Variants in EXOC7 observed in about 807,000 individuals in gnomAD.
EXOC7 encodes exocyst complex component 7.
In EXOC7, 51 loss-of-function variants were observed where a neutral mutation model predicts 87.6. The observed-to-expected ratio is 0.58, with a 90% CI of 0.46 to 0.73. The LOEUF is 0.73. EXOC7 is among the 30% of genes least tolerant of loss of function. The pLI is 0.00. For missense variants in EXOC7, 744 were observed against 888.4 expected, an observed-to-expected ratio of 0.84 and a Z score of 2.07; for synonymous variants, 327 against 357.1, an observed-to-expected ratio of 0.92 and a Z score of 0.95.
In EXOC7 at chr17:76,089,305, A is replaced by T. The variant is rs1388547152; in HGVS notation, c.917T>A (p.Leu306Gln). The T allele has an allele frequency of 6.2e-7, 1 of 1,614,046 alleles. No individual in the cohort carries two copies. Among genetic ancestry groups the T allele is most frequent in the East Asian group, 2.2e-5 (1 of 44,878 alleles). The change falls in exon 8 of 19, where the codon CTG becomes CAG. Residue 306 changes from leucine (L) to glutamine (Q), a missense_variant. Leu to Gln is a moderately radical substitution (Grantham distance 113, BLOSUM62 -2). Around this residue, in one of 3 missense-constraint regions of EXOC7, gnomAD observed 512 missense variants for 573.0 expected, o/e 0.89. Coordinates refer to ENST00000589210, the MANE Select transcript of EXOC7 (RefSeq NM_001013839.4). ...GATGTAGGCATCGGTCTCCACGTCC[A>T]GCATGTCATCTCTCCCTGGGGGATG... ...LIPLEGRDDM[L>Q]DVETDAYIHC... is the part of the protein sequence containing the mutation.
intron 15 of EXOC7, chr17:76,085,043 G>A (rs73996114): frequency 0.025 from 12,809 of 517,482 alleles, 1,322 homozygotes; most frequent in African/African-American, 0.22. Flanking sequence ...CATTACCCAC[G>A]TCTCTGAGAG....
intron 5 of EXOC7, among the ~76,000 whole-genome samples, chr17:76,096,224 T>C (rs1490517106): frequency 6.6e-6 from 1 of 152,094 alleles, no homozygotes; most frequent in African/African-American, 2.4e-5. Flanking sequence ...GGCTAAAAAG[T>C]GCAACATTGC....
chr17:76,101,320 A>T lies in EXOC7; in HGVS notation c.368T>A (p.Val123Glu). Residue 123 changes from valine to glutamate, a missense_variant, in exon 4 of 19, where the codon GTG (valine) becomes GAG (glutamate). Coordinates refer to ENST00000589210, the MANE Select transcript of EXOC7 (RefSeq NM_001013839.4). Reference protein sequence around the residue: ...LGSMAKIQKAVEYFQDNSPDS... With the variant: ...LGSMAKIQKAEEYFQDNSPDS... The stretch of plus-strand genomic sequence containing the variant: ...TGGGCTGTTGTCCTGGAAATACTCC[A>T]CTGCCTTCTGAATCTTGGCCATGCT... The T allele has an allele frequency of 2.5e-6, 4 of 1,614,038 alleles. No homozygotes were observed. Among genetic ancestry groups the T allele is most frequent in the Non-Finnish European group, 3.4e-6 (4 of 1,180,018 alleles).
At chr17:76,098,152 TTTTG>T in intron 4 of EXOC7, 134 bp from the exon 5 acceptor site, 1 of 698,536 alleles carries the variant, frequency 1.4e-6, no homozygotes, top group Non-Finnish European at 2.4e-6. Context: ...TCTTTTTTTT[TTTTG>T]AGAGGGAGTC....
intron 13 of EXOC7, 58 bp from the exon 14 acceptor site, chr17:76,085,855 C>T: frequency 1.9e-6 from 3 of 1,588,184 alleles, no homozygotes; most frequent in Non-Finnish European, 2.6e-6. Flanking sequence ...AACGACCCCA[C>T]CCCAGGACCC....
intron 7 of EXOC7, chr17:76,090,500 G>A (rs1413429623): frequency 3.2e-6 from 5 of 1,549,702 alleles, no homozygotes; most frequent in Non-Finnish European, 4.4e-6. Context: ...CCAGGAGGGG[G>A]ACGTCAGATG....
intron 4 of EXOC7, among the ~76,000 whole-genome samples, chr17:76,099,955 AG>A (rs1239697081): frequency 6.6e-6 from 1 of 152,156 alleles, no homozygotes; most frequent in Non-Finnish European, 1.5e-5. Context: ...TTTAAAACTT[AG>A]CTGGGTATGG....
chr17:76,101,702 G>A lies in EXOC7; in HGVS notation c.288C>T (p.Asp96=), dbSNP rs1598351656. The A allele has an allele frequency of 6.2e-7, 1 of 1,613,758 alleles. No individual in the cohort carries two copies. The change falls in exon 3 of 19, where the codon GAC becomes GAT. Residue 96 remains aspartate, a synonymous_variant. Transcript: ENST00000589210. The part of the protein sequence containing the change: ...HVISYYHVAS[D]TEKIIREGPT... ...ACCCCTCTCTGATGATCTTCTCAGT[G>A]TCACTGGCCACATGGTAGTAGCTGA...
chr17:76,095,014 G>A (rs1178112603), intron 5 of EXOC7, among the ~76,000 whole-genome samples: 1 of 152,208 alleles, frequency 6.6e-6, no homozygotes, highest in African/African-American at 2.4e-5. Flanking sequence ...AGGCTGGAGT[G>A]CAGTGGTGTG....
intron 12 of EXOC7, among the ~76,000 whole-genome samples, chr17:76,086,676 G>A (rs1488580040): frequency 1.3e-5 from 2 of 152,102 alleles, no homozygotes; most frequent in African/African-American, 2.4e-5. Flanking sequence ...CAGGTGCTGC[G>A]GATAAGCTCA....
Position 76,083,439 on chromosome 17 carries a change from G to GT in EXOC7, c.*208_*209insA. On this transcript the variant is annotated 3_prime_UTR_variant, in exon 19 of 19. Coordinates refer to ENST00000589210, the MANE Select transcript of EXOC7 (RefSeq NM_001013839.4). ...GGTGTGGAGGGACCCCAGGCTTCCG[G>GT]GAGAGTGCTGGTTCGGCTGGGAACA... 1.7e-6 allele frequency: 1 copy of GT among 581,334 alleles called. No individual in the cohort carries two copies. Among genetic ancestry groups the GT allele is most frequent in the Admixed American group, 3.0e-5 (1 of 33,776 alleles). The allele number at this position is 581,334 out of a possible 1,614,324, so 36.0% of individuals were successfully genotyped here.
Position 76,088,475 on chromosome 17 carries a change from C to CTGCG in EXOC7, c.1284_1287dup (p.Asp430ArgfsTer7), listed in dbSNP as rs1338095025. On this transcript the variant is annotated frameshift_variant, in exon 10 of 19. Transcript: ENST00000589210. LOFTEE classifies it high-confidence loss of function. ...AGGACAGCAGGGACCTTGATGTTGT[C>CTGCG]TGCGAAGTCCTCCAGCGCTTTGGCA... 1 of 1,613,862 alleles carries CTGCG rather than the reference C, an allele frequency of 6.2e-7. No homozygotes were observed. The highest frequency in any genetic ancestry group is 8.5e-7 in the Non-Finnish European group (1 of 1,179,912).
chr17:76,097,129 T>C (rs2067798687), intron 5 of EXOC7, among the ~76,000 whole-genome samples: 1 of 152,040 alleles, frequency 6.6e-6, no homozygotes, highest in African/African-American at 2.4e-5. Flanking sequence ...ATTACAGGCA[T>C]AGCCACAGCA....
At chr17:76,087,889 GCTAGAGACA>G in intron 11 of EXOC7, 162 bp downstream of exon 11, 3 of 941,280 alleles carry the variant, frequency 3.2e-6, no homozygotes, top group Non-Finnish European at 4.9e-6. Flanking sequence ...GGCCCTGTCT[GCTAGAGACA>G]CTAAACATGT....
rs749232594 is a variant in EXOC7 at position 76,101,681 on chromosome 17, C to G, written c.309G>C (p.Glu103Asp). The stretch of plus-strand genomic sequence containing the variant: ...CCCTCTGGGCCTCACTCACTCACCC[C>G]TCTCTGATGATCTTCTCAGTGTCAC... ...VASDTEKIIR[E>D]GPTGRLEEYL... The change falls in exon 3 of 19, where the codon GAG (glutamate) becomes GAC (aspartate). Residue 103 changes from glutamate to aspartate, a missense_variant and splice_region_variant. Coordinates refer to ENST00000589210, the MANE Select transcript of EXOC7 (RefSeq NM_001013839.4). The G allele has an allele frequency of 1.2e-6, 2 of 1,611,876 alleles. No homozygotes were observed. Among genetic ancestry groups the G allele is most frequent in the South Asian group, 1.1e-5 (1 of 90,772 alleles).
intron 7 of EXOC7, chr17:76,090,747 G>A: frequency 5.4e-6 from 3 of 554,428 alleles, no homozygotes; most frequent in Admixed American, 6.4e-5. Flanking sequence ...GCCCCAGTTT[G>A]CCTGTCCTCT....
intron 12 of EXOC7, among the ~76,000 whole-genome samples, chr17:76,086,577 C>T (rs564103953): frequency 3.2e-4 from 48 of 152,260 alleles, no homozygotes; most frequent in African/African-American, 1.1e-3. Context: ...GACGAAGCTG[C>T]GGCCTGCACA....
intron 12 of EXOC7, among the ~76,000 whole-genome samples, chr17:76,086,544 C>T (rs2067220095): frequency 6.6e-6 from 1 of 152,166 alleles, no homozygotes; most frequent in Non-Finnish European, 1.5e-5. Flanking sequence ...TCGAACATCC[C>T]CTCTACCAGA....
Position 76,082,323 on chromosome 17 carries a change from A to C in EXOC7, c.*1325T>G, listed in dbSNP as rs2067016657. 3.2e-6 allele frequency: 3 copies of C among 950,710 alleles called. No homozygotes were observed. In the East Asian group the frequency reaches 7.8e-5, roughly 25 times the overall value. The allele number at this position is 950,710 out of a possible 1,614,324, so 58.9% of individuals were successfully genotyped here. The stretch of plus-strand genomic sequence containing the variant: ...GTTTCTTCAACTGAAGATGGCCTGA[A>C]ATGGGCCAGACCCAAATTTTCATCA... On this transcript the variant is annotated 3_prime_UTR_variant, in exon 19 of 19. Transcript: ENST00000589210.
Sources: gnomAD v4.1 joint callset for allele counts (sites outside exome capture counted in the v4.1 genomes callset) on GRCh38, gnomAD v4.1.1 for gene constraint, gnomAD v4.1.1 regional missense constraint, MANE v1.5 for transcripts, NCBI Gene and HGNC (gene_info 2026-07-23, HGNC 2026-07-21) for gene names.